Variants in PKHD1 observed in about 807,000 individuals in gnomAD.
PKHD1 encodes fibrocystin.
Under a neutral mutation model 412.0 loss-of-function variants are expected in PKHD1, and 291 were observed. The ratio of observed to expected loss-of-function variants is 0.71; its 90% CI spans 0.64 to 0.78. The LOEUF is 0.78. PKHD1 is among the 30% of genes least tolerant of loss of function. The probability of loss-of-function intolerance (pLI) is 0.00; values close to 1 mark genes in which losing one functional copy is unlikely to be tolerated. For missense variants in PKHD1, 4,825 were observed against 4,950.7 expected, an observed-to-expected ratio of 0.97 and a Z score of 0.76; for synonymous variants, 1,777 against 1,821.5, an observed-to-expected ratio of 0.98 and a Z score of 0.62.
At chr6:51,722,647 T>TA (rs1487143823) in intron 60 of PKHD1, among the ~76,000 whole-genome samples, 1 of 152,244 alleles carries the variant, frequency 6.6e-6, no homozygotes, top group Non-Finnish European at 1.5e-5. Flanking sequence ...TACCACATTG[T>TA]AATATATAAT....
chr6:51,699,228 C>A (rs1016311496), intron 60 of PKHD1, among the ~76,000 whole-genome samples: 1 of 152,166 alleles, frequency 6.6e-6, no homozygotes, highest in Non-Finnish European at 1.5e-5. Context: ...CTTGGGCTAC[C>A]CCTTACAGTA....
At chr6:51,644,691 T>C (rs1769853479) in intron 63 of PKHD1, among the ~76,000 whole-genome samples, 1 of 152,084 alleles carries the variant, frequency 6.6e-6, no homozygotes, top group South Asian at 2.1e-4. Context: ...GCTGATTTTG[T>C]TTTGTTTTGA....
intron 60 of PKHD1, among the ~76,000 whole-genome samples, chr6:51,689,983 G>A (rs768856736): frequency 5.9e-5 from 9 of 151,854 alleles, no homozygotes; most frequent in Non-Finnish European, 1.5e-5. Flanking sequence ...ACAGAACTAG[G>A]GAAAACTAGG....
At chr6:51,677,956 T>C (rs1164650041) in intron 60 of PKHD1, among the ~76,000 whole-genome samples, 1 of 152,198 alleles carries the variant, frequency 6.6e-6, no homozygotes, top group Non-Finnish European at 1.5e-5. Flanking sequence ...GGGTAAAATG[T>C]CATCATCTAT....
chr6:51,924,366 G>A (rs1479666833), intron 37 of PKHD1, among the ~76,000 whole-genome samples: 1 of 152,160 alleles, frequency 6.6e-6, no homozygotes, highest in Non-Finnish European at 1.5e-5. Context: ...GTGGCCAAGG[G>A]GGAGAGTTGA....
intron 52 of PKHD1, among the ~76,000 whole-genome samples, chr6:51,794,516 T>C (rs1158875381): frequency 6.6e-6 from 1 of 152,218 alleles, no homozygotes; most frequent in East Asian, 1.9e-4. Context: ...AGAAGCTCTT[T>C]AGTTTAATTA....
intron 61 of PKHD1, among the ~76,000 whole-genome samples, chr6:51,653,200 C>A (rs1260462686): frequency 2.6e-5 from 4 of 152,096 alleles, no homozygotes; most frequent in South Asian, 2.1e-4. Flanking sequence ...CTTCTGTATA[C>A]TTTGTATGAC....
intron 36 of PKHD1, among the ~76,000 whole-genome samples, chr6:51,949,682 C>T (rs1025554187): frequency 5.9e-5 from 9 of 152,150 alleles, no homozygotes; most frequent in East Asian, 1.9e-4. Flanking sequence ...GCTTAGTCCA[C>T]GCTCCATAAT....
At chr6:51,767,020 T>C (rs1272427773) in intron 55 of PKHD1, among the ~76,000 whole-genome samples, 2 of 152,130 alleles carry the variant, frequency 1.3e-5, no homozygotes, top group Admixed American at 6.6e-5. Context: ...AATCCACCTA[T>C]AATTTAGAGT....
intron 44 of PKHD1, among the ~76,000 whole-genome samples, chr6:51,886,579 A>T (rs532481052): frequency 1.5e-4 from 23 of 152,332 alleles, no homozygotes; most frequent in African/African-American, 5.5e-4. Context: ...CATTTAAATG[A>T]GAAATCTAAA....
At chr6:51,868,666 T>A (rs190217450) in intron 47 of PKHD1, among the ~76,000 whole-genome samples, 130 of 152,126 alleles carry the variant, frequency 8.5e-4, no homozygotes, top group Non-Finnish European at 1.5e-3. Context: ...AGTCTTCCAA[T>A]CTTTCAGCTT....
chr6:51,725,132 G>T (rs1782416275), intron 60 of PKHD1, among the ~76,000 whole-genome samples: 1 of 152,142 alleles, frequency 6.6e-6, no homozygotes, highest in African/African-American at 2.4e-5. Context: ...AAAACAGAGG[G>T]GGGTTCCTGT....
At position 51,744,409 on chromosome 6, in the gene PKHD1, A is replaced by C. The variant is rs1784939891; in HGVS notation, c.10132T>G (p.Trp3378Gly). 2 of 1,613,894 alleles carry C rather than the reference A, an allele frequency of 1.2e-6. No individual in the cohort carries two copies. Among genetic ancestry groups the C allele is most frequent in the Non-Finnish European group, 1.7e-6 (2 of 1,179,874 alleles). The change falls in exon 60 of 67, where the codon TGG becomes GGG. Residue 3378 changes from tryptophan to glycine, a missense_variant. Transcript: ENST00000371117. Reference protein sequence around the residue: ...VSVFPKTEAEWTASFFNAGTF... With the variant: ...VSVFPKTEAEGTASFFNAGTF... ...CCTGCGTTGAAGAAGGATGCAGTCC[A>C]TTCTGCCTCTGTTTTAGGAAATACA...
At chr6:51,981,343 C>G (rs1406361921) in intron 35 of PKHD1, among the ~76,000 whole-genome samples, 4 of 86,060 alleles carry the variant, frequency 4.6e-5, no homozygotes, top group Non-Finnish European at 7.9e-5. Context: ...CCCTCTCCCT[C>G]TCCCTCTCCC....
At chr6:51,859,465 G>T (rs921273179) in intron 48 of PKHD1, among the ~76,000 whole-genome samples, 16 of 142,174 alleles carry the variant, frequency 1.1e-4, no homozygotes, top group Non-Finnish European at 2.4e-4. Context: ...GGCAGAGCCT[G>T]TAGTGAGCAG....
chr6:51,858,620 A>C (rs1773681905), intron 48 of PKHD1, among the ~76,000 whole-genome samples: 1 of 150,214 alleles, frequency 6.7e-6, no homozygotes, highest in African/African-American at 2.4e-5. Context: ...TATTTAAATA[A>C]ATCTTGTGAT....
Position 51,903,633 on chromosome 6 carries a change from A to G in PKHD1, c.6960T>C (p.Ser2320=). 1 of 1,611,856 alleles carries G rather than the reference A, an allele frequency of 6.2e-7. No individual in the cohort carries two copies. Among genetic ancestry groups the G allele is most frequent in the Non-Finnish European group, 8.5e-7 (1 of 1,178,280 alleles). Residue 2320 remains serine, a synonymous_variant, in exon 43 of 67, where the codon TCT becomes TCC. Coordinates refer to ENST00000371117, the MANE Select transcript of PKHD1 (RefSeq NM_138694.4). ...GLSNPEMLTP[S]GIYICSPTNV... is the part of the protein sequence containing the mutation. ...TGGTGGGACTGCAGATATAGATGCC[A>G]GATGGTGTCAACATTTCAGGATTGG...
chr6:51,644,957 C>A (rs933315989), intron 63 of PKHD1, among the ~76,000 whole-genome samples: 4 of 152,142 alleles, frequency 2.6e-5, no homozygotes, highest in Non-Finnish European at 4.4e-5. Flanking sequence ...GCATTACAGG[C>A]ATGTGTCACT....
At chr6:51,736,081 G>A (rs138098160) in intron 60 of PKHD1, among the ~76,000 whole-genome samples, 2 of 152,330 alleles carry the variant, frequency 1.3e-5, no homozygotes, top group Admixed American at 1.3e-4. Flanking sequence ...AGAACCCGTT[G>A]ATGGCATTAA....
Sources: allele counts gnomAD v4.1 joint callset (sites outside exome capture counted in the v4.1 genomes callset), GRCh38; gene constraint gnomAD v4.1.1; transcripts MANE v1.5; gene names NCBI Gene and HGNC (gene_info 2026-07-23, HGNC 2026-07-21).